WWOX: variants seen among roughly 807,000 people sequenced by gnomAD.
WWOX encodes WW domain-containing oxidoreductase.
In WWOX, 69 loss-of-function variants were observed where a neutral mutation model predicts 46.2. The ratio of observed to expected loss-of-function variants is 1.49; its 90% confidence interval spans 1.23 to 1.82. WWOX has a LOEUF of 1.82. Ranked by LOEUF, WWOX falls within the 40% of genes most tolerant of loss-of-function variation. The pLI is 0.00. For synonymous variants in WWOX, 359 were observed against 202.6 expected, an observed-to-expected ratio of 1.77 and a Z score of -6.56; for missense variants, 919 against 542.6, an observed-to-expected ratio of 1.69 and a Z score of -6.89.
chr16:78,482,615 C>T (rs565705598), intron 8 of WWOX, among the ~76,000 whole-genome samples: 32 of 152,284 alleles, frequency 2.1e-4, no homozygotes, highest in Non-Finnish European at 4.1e-4. Context: ...TTCTAATTTC[C>T]TGACCATTCT....
chr16:78,890,072 C>T (rs1040070206), intron 8 of WWOX, among the ~76,000 whole-genome samples: 2 of 151,968 alleles, frequency 1.3e-5, no homozygotes, highest in African/African-American at 4.8e-5. Flanking sequence ...TACATAATTG[C>T]TCCTAGGGAA....
chr16:78,647,665 A>C (rs529788979), intron 8 of WWOX, among the ~76,000 whole-genome samples: 2 of 152,354 alleles, frequency 1.3e-5, no homozygotes, highest in South Asian at 4.1e-4. Context: ...CATCAACATC[A>C]GACCATCACC....
At position 78,924,333 on chromosome 16, in the gene WWOX, T is replaced by G. The variant is rs145397507; in HGVS notation, c.1057-287275T>G. Among the ~76,000 whole-genome samples, 514 of 152,278 alleles carry G rather than the reference T, an allele frequency of 3.4e-3. 3 individuals are homozygous for G. The highest frequency in any genetic ancestry group is 0.012 in the African/African-American group (500 of 41,560). On this transcript the variant is annotated intron_variant, in intron 8 of 8. Transcript: ENST00000566780. The stretch of plus-strand genomic sequence containing the variant: ...TAGGGGGTGGGGTTGCTTTTAAACT[T>G]TGTTTGAAAAATGGAGCTTGCTGCC...
At chr16:78,202,784 A>AT (rs528075133) in intron 5 of WWOX, among the ~76,000 whole-genome samples, 1 of 129,440 alleles carries the variant, frequency 7.7e-6, no homozygotes, top group East Asian at 2.4e-4. Context: ...TATATTTGCA[A>AT]TTTTTTGTTT....
chr16:78,470,534 A>T (rs768240008), intron 8 of WWOX, among the ~76,000 whole-genome samples: 4 of 151,944 alleles, frequency 2.6e-5, no homozygotes, highest in Non-Finnish European at 4.4e-5. Context: ...GTATGCATGT[A>T]TGTATGTATG....
intron 8 of WWOX, among the ~76,000 whole-genome samples, chr16:78,933,923 G>A (rs2045678626): frequency 6.6e-6 from 1 of 152,098 alleles, no homozygotes; most frequent in Admixed American, 6.6e-5. Flanking sequence ...TGGGTGAAGT[G>A]GCTCGCACCT....
intron 8 of WWOX, among the ~76,000 whole-genome samples, chr16:78,930,916 C>A (rs770302619): frequency 2.0e-5 from 3 of 152,060 alleles, no homozygotes; most frequent in Non-Finnish European, 4.4e-5. Context: ...GTTCTGGGTT[C>A]GTTCCCAGGT....
chr16:78,713,263 G>C (rs1307858580), intron 8 of WWOX, among the ~76,000 whole-genome samples: 2 of 103,126 alleles, frequency 1.9e-5, no homozygotes, highest in Non-Finnish European at 3.4e-5. Context: ...GACAAAGTGA[G>C]ACTCTGTCTC....
intron 8 of WWOX, among the ~76,000 whole-genome samples, chr16:79,067,549 C>G (rs553560722): frequency 1.6e-3 from 240 of 149,516 alleles, no homozygotes; most frequent in African/African-American, 5.8e-3. Context: ...CTTCCCTGAC[C>G]ACTGCCACAT....
chr16:78,501,191 C>CTTTTTTTTTTT (rs201759001), intron 8 of WWOX, among the ~76,000 whole-genome samples: 19 of 107,532 alleles, frequency 1.8e-4, no homozygotes, highest in African/African-American at 5.9e-4. Flanking sequence ...CTCTTTCTTT[C>CTTTTTTTTTTT]TCTTTTTTTT....
intron 8 of WWOX, among the ~76,000 whole-genome samples, chr16:78,930,970 G>A (rs1302184291): frequency 6.6e-6 from 1 of 152,154 alleles, no homozygotes; most frequent in African/African-American, 2.4e-5. Context: ...CATGTCACTA[G>A]CAGCCTCAGT....
chr16:78,969,352 C>T (rs1343247282), intron 8 of WWOX, among the ~76,000 whole-genome samples: 3 of 152,044 alleles, frequency 2.0e-5, no homozygotes, highest in African/African-American at 7.2e-5. Flanking sequence ...CCACTGCACC[C>T]TCCATCTCCC....
intron 8 of WWOX, among the ~76,000 whole-genome samples, chr16:78,851,965 C>T (rs536626673): frequency 1.2e-4 from 19 of 152,252 alleles, no homozygotes; most frequent in African/African-American, 2.2e-4. Flanking sequence ...CTGTAATCTT[C>T]ATTCATTCCT....
chr16:78,802,383 G>C (rs1441918168), intron 8 of WWOX, among the ~76,000 whole-genome samples: 3 of 151,922 alleles, frequency 2.0e-5, no homozygotes, highest in Admixed American at 2.0e-4. Context: ...GAATTGAACA[G>C]GTAGGTTGAA....
intron 8 of WWOX, among the ~76,000 whole-genome samples, chr16:79,029,961 T>A (rs948113420): frequency 6.6e-6 from 1 of 152,202 alleles, no homozygotes; most frequent in Admixed American, 6.5e-5. Flanking sequence ...TTATAATTTC[T>A]TGATGATCCT....
chr16:78,716,301 C>G (rs556322544), intron 8 of WWOX, among the ~76,000 whole-genome samples: 1 of 152,042 alleles, frequency 6.6e-6, no homozygotes, highest in East Asian at 1.9e-4. Context: ...AGCATCCTCC[C>G]CTCCAGCCTT....
chr16:78,375,778 C>CA (rs1218438457), intron 5 of WWOX, among the ~76,000 whole-genome samples: 1 of 145,848 alleles, frequency 6.9e-6, no homozygotes, highest in Non-Finnish European at 1.5e-5. Context: ...CAGTGGCCAA[C>CA]AAAACAAAAC....
chr16:78,802,259 G>T (rs1288084248), intron 8 of WWOX, among the ~76,000 whole-genome samples: 4 of 111,642 alleles, frequency 3.6e-5, no homozygotes, highest in African/African-American at 1.4e-4. Context: ...AAGGCTTTCT[G>T]TCACAGGCTC....
intron 5 of WWOX, among the ~76,000 whole-genome samples, chr16:78,195,574 C>T (rs947043828): frequency 6.6e-6 from 1 of 151,964 alleles, no homozygotes; most frequent in African/African-American, 2.4e-5. Context: ...GTAATCTCAG[C>T]ACTTTGGGAG....
Sources: gnomAD v4.1 joint callset for allele counts (sites outside exome capture counted in the v4.1 genomes callset) on GRCh38, gnomAD v4.1.1 for gene constraint, MANE v1.5 for transcripts, NCBI Gene and HGNC (gene_info 2026-07-23, HGNC 2026-07-21) for gene names.